The following AQP9 variants were observed in gnomAD, a reference collection of about 807,000 sequenced individuals.
AQP9 encodes aquaporin 9.
In AQP9, 19 loss-of-function variants were observed where a neutral mutation model predicts 23.8. That is an observed-to-expected ratio of 0.80 (90% confidence interval 0.56 to 1.17). The LOEUF (loss-of-function observed/expected upper bound fraction) is 1.17, where lower values mean the gene tolerates loss of function less well. Ranked by LOEUF, AQP9 falls within the 50% of genes most tolerant of loss-of-function variation. AQP9 has a pLI of 0.00. For synonymous variants in AQP9, 153 were observed against 131.5 expected (o/e 1.16, Z -1.12); for missense variants, 413 against 362.0 (o/e 1.14, Z -1.14).
At chr15:58,156,816 A>T (rs1275295575) in intron 1 of AQP9, among the ~76,000 whole-genome samples, 1 of 152,154 alleles carries the variant, frequency 6.6e-6, no homozygotes, top group Non-Finnish European at 1.5e-5. Flanking sequence ...CAGATTCCCT[A>T]GCTCAGAACA....
chr15:58,177,316 G>A (rs531942566), intron 4 of AQP9, among the ~76,000 whole-genome samples: 23 of 152,272 alleles, frequency 1.5e-4, no homozygotes, highest in Admixed American at 3.9e-4. Context: ...TCTTCAAGGA[G>A]TTCAGAGTCT....
At chr15:58,151,967 T>G (rs903175034) in intron 1 of AQP9, 1 of 152,192 alleles carries the variant, frequency 6.6e-6, no homozygotes, top group African/African-American at 2.4e-5. Flanking sequence ...TATTTGTCTA[T>G]GACAAACGGA....
At chr15:58,143,032 A>T (rs773161995) in intron 1 of AQP9, among the ~76,000 whole-genome samples, 1 of 152,160 alleles carries the variant, frequency 6.6e-6, no homozygotes, top group African/African-American at 2.4e-5. Context: ...GCATCATTCA[A>T]TTGAGAGAAC....
intron 2 of AQP9, among the ~76,000 whole-genome samples, chr15:58,172,078 T>G (rs527583412): frequency 6.6e-6 from 1 of 152,360 alleles, no homozygotes; most frequent in East Asian, 1.9e-4. Context: ...GAAGCCTTTA[T>G]AAACACGGTG....
chr15:58,142,722 C>G (rs1159413663), intron 1 of AQP9, among the ~76,000 whole-genome samples: 2 of 152,234 alleles, frequency 1.3e-5, no homozygotes, highest in Non-Finnish European at 2.9e-5. Flanking sequence ...GACCCCATAA[C>G]TTCTCTGTCT....
intron 4 of AQP9, among the ~76,000 whole-genome samples, chr15:58,175,672 G>T (rs1192025064): frequency 6.6e-6 from 1 of 152,182 alleles, no homozygotes; most frequent in Non-Finnish European, 1.5e-5. Context: ...CTTGGTCAGG[G>T]CAGTGGAAGG....
chr15:58,161,197 C>T (rs1595735742), intron 1 of AQP9, among the ~76,000 whole-genome samples: 1 of 152,042 alleles, frequency 6.6e-6, no homozygotes, highest in Admixed American at 6.6e-5. Flanking sequence ...ATGGGAATGA[C>T]AGACTATGGG....
chr15:58,146,111 T>C (rs1171319950), intron 1 of AQP9, among the ~76,000 whole-genome samples: 1 of 152,210 alleles, frequency 6.6e-6, no homozygotes, highest in Non-Finnish European at 1.5e-5. Flanking sequence ...TTTCTAGTTC[T>C]TAACTCATTT....
In AQP9 at chr15:58,184,241, T is replaced by A; in HGVS notation, c.*106T>A. ...GCCTGAGGTGGAATCCACCCAGTTT[T>A]GTCTGCTAGCCATATGGGACATCTA... On this transcript the variant is annotated 3_prime_UTR_variant, in exon 6 of 6. Coordinates refer to ENST00000219919, the MANE Select transcript of AQP9 (RefSeq NM_020980.5). 1 of 1,244,322 alleles carries A rather than the reference T, an allele frequency of 8.0e-7. No homozygotes were observed. Among genetic ancestry groups the A allele is most frequent in the East Asian group, 2.4e-5 (1 of 41,902 alleles). The allele number at this position is 1,244,322 out of a possible 1,614,324, so 77.1% of individuals were successfully genotyped here. A position where few individuals can be genotyped will look rare whatever the true frequency, so the allele number is the denominator to read the frequency against.
chr15:58,170,977 T>C (rs1276019531), intron 2 of AQP9, among the ~76,000 whole-genome samples: 3 of 152,024 alleles, frequency 2.0e-5, no homozygotes, highest in African/African-American at 4.8e-5. Context: ...CAGGCTGGAG[T>C]GCAGTGGCGC....
Position 58,184,007 on chromosome 15 carries a change from G to C in AQP9, c.760G>C (p.Gly254Arg). 6.2e-7 allele frequency: 1 copy of C among 1,614,126 alleles called. No homozygotes were observed. Among genetic ancestry groups the C allele is most frequent in the African/African-American group, 1.3e-5 (1 of 75,030 alleles). ...WWIPVVGPLV[G>R]AVIGGLIYVL... is the part of the protein sequence containing the mutation. ...GATTCCTGTAGTGGGCCCTTTGGTT[G>C]GTGCTGTCATTGGAGGCCTCATCTA... Residue 254 changes from glycine (G) to arginine (R), a missense_variant, in exon 6 of 6, where the codon GGT becomes CGT. Physicochemically the swap from Gly to Arg is moderately radical, Grantham distance 125. Transcript: ENST00000219919.
chr15:58,179,195 C>A lies in AQP9; in HGVS notation c.563C>A (p.Pro188His), dbSNP rs1566991149. 1.9e-6 allele frequency: 3 copies of A among 1,614,064 alleles called. No individual in the cohort carries two copies. Among genetic ancestry groups the A allele is most frequent in the Non-Finnish European group, 2.5e-6 (3 of 1,179,960 alleles). ...TTTGACTCCAGAAACTTGGGAGCCC[C>A]CAGAGGCCTAGAGCCCATTGCCATC... ...AIFDSRNLGA[P>H]RGLEPIAIGL... Residue 188 changes from proline to histidine, a missense_variant, in exon 5 of 6, where the codon CCC becomes CAC. Coordinates refer to ENST00000219919, the MANE Select transcript of AQP9 (RefSeq NM_020980.5).
intron 5 of AQP9, among the ~76,000 whole-genome samples, chr15:58,181,379 G>T (rs1898885518): frequency 6.6e-6 from 1 of 152,148 alleles, no homozygotes; most frequent in Non-Finnish European, 1.5e-5. Context: ...CTTACACAAG[G>T]TTGAAGCAGT....
At chr15:58,165,077 G>A (rs1002027344) in intron 1 of AQP9, among the ~76,000 whole-genome samples, 1 of 151,872 alleles carries the variant, frequency 6.6e-6, no homozygotes, top group Non-Finnish European at 1.5e-5. Context: ...AGTATGTATT[G>A]CTCAATGCCA....
chr15:58,183,902 G>C (rs1304497113), intron 5 of AQP9, 59 bp from the exon 6 acceptor site: 1 of 1,566,682 alleles, frequency 6.4e-7, no homozygotes, highest in Non-Finnish European at 8.7e-7. Context: ...TGAAAAACTA[G>C]ACAGTAATAC....
intron 1 of AQP9, among the ~76,000 whole-genome samples, chr15:58,157,051 T>A (rs774168742): frequency 6.6e-6 from 1 of 152,244 alleles, no homozygotes; most frequent in African/African-American, 2.4e-5. Context: ...TGTGCATATA[T>A]ACACACAGAT....
intron 2 of AQP9, among the ~76,000 whole-genome samples, chr15:58,172,024 A>AT (rs1260930118): frequency 6.6e-6 from 1 of 152,176 alleles, no homozygotes; most frequent in African/African-American, 2.4e-5. Context: ...TGCTCAGACA[A>AT]TTTTTTTAAA....
At chr15:58,170,963 C>T (rs1452337198) in intron 2 of AQP9, among the ~76,000 whole-genome samples, 2 of 151,116 alleles carry the variant, frequency 1.3e-5, no homozygotes, top group East Asian at 2.0e-4. Context: ...TTGTTTTTGT[C>T]GCCCAGGCTG....
At chr15:58,150,557 T>A (rs1272791152) in intron 1 of AQP9, 1 of 152,586 alleles carries the variant, frequency 6.6e-6, no homozygotes, top group Non-Finnish European at 1.5e-5. Flanking sequence ...TATCTACTGA[T>A]GAGGATCCTA....
Sources: gnomAD v4.1 joint callset for allele counts (sites outside exome capture counted in the v4.1 genomes callset) on GRCh38, gnomAD v4.1.1 for gene constraint, MANE v1.5 for transcripts, NCBI Gene and HGNC (gene_info 2026-07-23, HGNC 2026-07-21) for gene names.